PTBP3: variants seen among roughly 807,000 people sequenced by gnomAD.
The protein encoded by PTBP3 is polypyrimidine tract binding protein 3.
PTBP3 carries 20 observed loss-of-function variants against 58.7 expected under a neutral mutation model. The ratio of observed to expected loss-of-function variants is 0.34; its 90% CI spans 0.24 to 0.50. The LOEUF (loss-of-function observed/expected upper bound fraction) is 0.50. Ranked by LOEUF, PTBP3 falls within the 20% of genes least tolerant of loss-of-function variation. PTBP3 has a pLI of 0.98. For synonymous variants in PTBP3, 185 were observed against 219.8 expected (o/e 0.84, Z 1.40); for missense variants, 509 against 637.2 (o/e 0.80, Z 2.17).
intron 1 of PTBP3, among the ~76,000 whole-genome samples, chr9:112,307,130 T>A (rs2132362510): frequency 6.6e-6 from 1 of 152,334 alleles, no homozygotes; most frequent in Middle Eastern, 3.4e-3. Context: ...CTATTTTTAT[T>A]GTCTTATTAC....
intron 1 of PTBP3, among the ~76,000 whole-genome samples, chr9:112,313,743 C>T (rs1464137444): frequency 6.6e-6 from 1 of 152,214 alleles, no homozygotes; most frequent in Non-Finnish European, 1.5e-5. Flanking sequence ...CTTTTGGAAG[C>T]TAATCCTTTT....
At chr9:112,362,885 T>C in the PTBP3 span, 4 of 333,026 alleles carry the variant, frequency 1.2e-5, no homozygotes, top group East Asian at 2.6e-4. Flanking sequence ...CAACATTGGT[T>C]ATAGAGAAGC....
intron 1 of PTBP3, chr9:112,333,064 GC>G: frequency 7.9e-7 from 1 of 1,268,908 alleles, no homozygotes; most frequent in Non-Finnish European, 9.9e-7. Flanking sequence ...GAGGACGCCC[GC>G]CCCGCGCGCC....
At chr9:112,351,286 T>C in the PTBP3 span, among the ~76,000 whole-genome samples, 1 of 152,352 alleles carries the variant, frequency 6.6e-6, no homozygotes, top group African/African-American at 2.4e-5. Context: ...ACTGCTCAAG[T>C]ATTTTATGGA....
chr9:112,275,127 A>G (rs573997571), intron 3 of PTBP3, among the ~76,000 whole-genome samples: 1 of 123,978 alleles, frequency 8.1e-6, no homozygotes, highest in East Asian at 2.3e-4. Context: ...TTTTGACAAT[A>G]CTATACTTTT....
At chr9:112,276,304 C>T (rs931808605) in intron 2 of PTBP3, among the ~76,000 whole-genome samples, 2 of 152,022 alleles carry the variant, frequency 1.3e-5, no homozygotes, top group Admixed American at 6.6e-5. Flanking sequence ...ATTTCAAATA[C>T]CTCTAAATAC....
rs796625644 is a variant in PTBP3, at chr9:112,289,418, C to CA, written c.34+8413dup. Among the ~76,000 whole-genome samples the CA allele has an allele frequency of 6.4e-3, 927 of 145,482 alleles. 8 individuals are homozygous for CA. Among genetic ancestry groups the CA allele is most frequent in the African/African-American group, 0.021 (836 of 39,720 alleles). ...TTTGATAAAAGGAATTTCAAGAAGA[C>CA]AAAAAAAAAACCTAGCTATTTGCAA... On this transcript the variant is annotated intron_variant, in intron 2 of 13. Coordinates refer to ENST00000374257, the MANE Select transcript of PTBP3 (RefSeq NM_001163788.4).
intron 1 of PTBP3, among the ~76,000 whole-genome samples, chr9:112,304,418 T>C (rs1243406618): frequency 6.6e-6 from 1 of 152,230 alleles, no homozygotes; most frequent in Non-Finnish European, 1.5e-5. Context: ...TCAGAATAAA[T>C]CTATAAATGT....
Position 112,223,027 on chromosome 9 carries a change from C to CT in PTBP3, c.*823dup, listed in dbSNP as rs2131935134. 1.2e-6 allele frequency: 1 copy of CT among 853,468 alleles called. No individual in the cohort carries two copies. The highest frequency in any genetic ancestry group is 5.4e-5 in the South Asian group (1 of 18,444). The allele number at this position is 853,468 out of a possible 1,614,324, so 52.9% of individuals were successfully genotyped here. A position where few individuals can be genotyped will look rare whatever the true frequency, so the allele number is the denominator to read the frequency against. On this transcript the variant is annotated 3_prime_UTR_variant, in exon 14 of 14. Transcript: ENST00000374257. ...GTAGTTTATAAGTAGGATTATTTTT[C>CT]TTTAAAATTTTCCAAGATCATATTA...
intron 7 of PTBP3, among the ~76,000 whole-genome samples, chr9:112,239,446 C>A (rs1360211611): frequency 6.6e-6 from 1 of 152,000 alleles, no homozygotes; most frequent in Admixed American, 6.6e-5. Context: ...TGGAAAAAAA[C>A]AGGCTGGGCA....
chr9:112,355,021 T>C, the PTBP3 span, among the ~76,000 whole-genome samples: 1 of 152,194 alleles, frequency 6.6e-6, no homozygotes, highest in Non-Finnish European at 1.5e-5. Flanking sequence ...ATAATAGTTA[T>C]TTACTGGGCA....
chr9:112,267,206 C>T (rs1228400598), intron 4 of PTBP3, among the ~76,000 whole-genome samples: 2 of 150,712 alleles, frequency 1.3e-5, no homozygotes, highest in Non-Finnish European at 2.9e-5. Flanking sequence ...CTCGCTCTCA[C>T]CCAGGCTGGA....
chr9:112,340,266 T>C, the PTBP3 span, among the ~76,000 whole-genome samples: 1 of 152,244 alleles, frequency 6.6e-6, no homozygotes, highest in Non-Finnish European at 1.5e-5. Context: ...TGAAACTGTT[T>C]ATTGTATTAA....
intron 7 of PTBP3, among the ~76,000 whole-genome samples, chr9:112,239,360 GA>G (rs1021072610): frequency 3.3e-5 from 5 of 152,132 alleles, no homozygotes; most frequent in Non-Finnish European, 5.9e-5. Flanking sequence ...TGAAGTTTGA[GA>G]GATTAAAAAC....
the PTBP3 span, among the ~76,000 whole-genome samples, chr9:112,371,034 T>A: frequency 6.6e-6 from 1 of 152,196 alleles, no homozygotes; most frequent in Non-Finnish European, 1.5e-5. Flanking sequence ...TCCTTAGGTT[T>A]TTCTAGATAT....
intron 2 of PTBP3, among the ~76,000 whole-genome samples, chr9:112,277,407 C>T (rs1827653902): frequency 6.6e-6 from 1 of 152,098 alleles, no homozygotes; most frequent in African/African-American, 2.4e-5. Context: ...ACTAATTTTC[C>T]CTCCAAAATG....
At chr9:112,273,288 T>C (rs902192320) in intron 3 of PTBP3, among the ~76,000 whole-genome samples, 7 of 152,266 alleles carry the variant, frequency 4.6e-5, no homozygotes, top group African/African-American at 1.7e-4. Flanking sequence ...GTGATGTACT[T>C]TGAAGCCATT....
At chr9:112,327,332 G>A (rs777431332) in intron 1 of PTBP3, among the ~76,000 whole-genome samples, 3 of 152,088 alleles carry the variant, frequency 2.0e-5, no homozygotes, top group Non-Finnish European at 2.9e-5. Flanking sequence ...TTGGGAGGCC[G>A]GGCAGATCAC....
chr9:112,228,102 AAAAC>A (rs953403307), intron 11 of PTBP3, among the ~76,000 whole-genome samples: 50 of 152,220 alleles, frequency 3.3e-4, no homozygotes, highest in African/African-American at 1.2e-3. Flanking sequence ...AAAATGAAAT[AAAAC>A]AAATCATGCT....
Sources: allele counts gnomAD v4.1 joint callset (sites outside exome capture counted in the v4.1 genomes callset), GRCh38; gene constraint gnomAD v4.1.1; transcripts MANE v1.5; gene names NCBI Gene and HGNC (gene_info 2026-07-23, HGNC 2026-07-21).